The following TET2 variants were observed in gnomAD, a reference collection of about 807,000 sequenced individuals.
The protein encoded by TET2 is tet methylcytosine dioxygenase 2, also known as methylcytosine dioxygenase TET2.
Under a neutral mutation model 142.9 loss-of-function variants are expected in TET2, and 299 were observed. The observed-to-expected ratio is 2.09, with a 90% confidence interval of 1.90 to 2.30. TET2 has a LOEUF of 2.30. Ranked by LOEUF, TET2 falls within the 30% of genes most tolerant of loss-of-function variation. TET2 has a pLI of 0.00. For synonymous variants in TET2, 819 were observed against 849.0 expected (o/e 0.96, Z 0.61); for missense variants, 2,418 against 2,378.0 (o/e 1.02, Z -0.35).
chr4:105,273,167 C>T (rs760603616), intron 10 of TET2, among the ~76,000 whole-genome samples: 59 of 152,200 alleles, frequency 3.9e-4, no homozygotes, highest in Non-Finnish European at 7.2e-4. Context: ...GTCCCCACTC[C>T]CCCACCATGT....
chr4:105,192,014 C>T (rs1725818199), intron 2 of TET2, among the ~76,000 whole-genome samples: 1 of 151,962 alleles, frequency 6.6e-6, no homozygotes, highest in African/African-American at 2.4e-5. Context: ...ATTGCTTTAC[C>T]TCACTCTGTG....
intron 9 of TET2, among the ~76,000 whole-genome samples, chr4:105,271,191 G>A (rs1286409164): frequency 6.6e-6 from 1 of 152,110 alleles, no homozygotes; most frequent in Non-Finnish European, 1.5e-5. Context: ...CAAGCTGTGA[G>A]GCACATTAGC....
chr4:105,166,988 A>G (rs1313010589), intron 1 of TET2, among the ~76,000 whole-genome samples: 2 of 152,086 alleles, frequency 1.3e-5, no homozygotes, highest in Non-Finnish European at 2.9e-5. Flanking sequence ...ATTTAGCTTA[A>G]GGTACTTTTC....
rs867044420 is a variant in TET2, at chr4:105,173,843, A to G, written c.-192-16517A>G. Among the ~76,000 whole-genome samples, 6 of 152,170 alleles carry G rather than the reference A, an allele frequency of 3.9e-5. No individual in the cohort carries two copies. The South Asian group carries it at 1.2e-3, about 32-fold the overall frequency. On this transcript the variant is annotated intron_variant, in intron 1 of 10. Transcript: ENST00000380013. The stretch of plus-strand genomic sequence containing the variant: ...TAAACAAGATTATAATCTAATGGAG[A>G]TTAATATTGGTTGAGAAAAATCTTG...
At chr4:105,247,288 T>G (rs1251078978) in intron 6 of TET2, among the ~76,000 whole-genome samples, 4 of 152,230 alleles carry the variant, frequency 2.6e-5, no homozygotes, top group Non-Finnish European at 5.9e-5. Context: ...AAAGACTTTA[T>G]CATTTAATAT....
chr4:105,261,710 G>T, intron 7 of TET2, 49 bp from the exon 8 acceptor site: 2 of 1,186,932 alleles, frequency 1.7e-6, no homozygotes, highest in South Asian at 2.8e-5. Context: ...CTTTTACATA[G>T]AGAAAATGGA....
intron 2 of TET2, among the ~76,000 whole-genome samples, chr4:105,218,416 C>G (rs1403708866): frequency 6.6e-6 from 1 of 152,084 alleles, no homozygotes; most frequent in African/African-American, 2.4e-5. Context: ...CTCATGTCGG[C>G]TATGCCATGC....
chr4:105,167,381 C>T (rs1724209423), intron 1 of TET2, among the ~76,000 whole-genome samples: 1 of 151,708 alleles, frequency 6.6e-6, no homozygotes, highest in South Asian at 2.1e-4. Flanking sequence ...TACACATATA[C>T]ATATGCGTGT....
At chr4:105,263,323 AG>A (rs1730535439) in intron 8 of TET2, among the ~76,000 whole-genome samples, 1 of 152,176 alleles carries the variant, frequency 6.6e-6, no homozygotes, top group Admixed American at 6.5e-5. Context: ...TTAAAAGCCA[AG>A]TAAGGGAAAT....
At chr4:105,254,669 C>A (rs1457026824) in intron 6 of TET2, among the ~76,000 whole-genome samples, 1 of 152,140 alleles carries the variant, frequency 6.6e-6, no homozygotes, top group Non-Finnish European at 1.5e-5. Context: ...GCCTCAGCCT[C>A]CAAAGAGTGA....
intron 1 of TET2, among the ~76,000 whole-genome samples, chr4:105,151,302 G>C (rs1723287600): frequency 6.6e-6 from 1 of 152,168 alleles, no homozygotes; most frequent in African/African-American, 2.4e-5. Flanking sequence ...GCCCAGGCAA[G>C]AGGGAGAGAC....
intron 6 of TET2, 53 bp from the exon 7 acceptor site, chr4:105,259,566 A>G: frequency 3.3e-6 from 5 of 1,513,864 alleles, no homozygotes; most frequent in Non-Finnish European, 4.4e-6. Flanking sequence ...TATCAGCTGC[A>G]CAGCCTATAT....
rs1175566128 is a variant in TET2 at position 105,276,559 on chromosome 4, A to G, written c.*40A>G. Reference sequence around the variant, plus strand: ...GTTGGTTACCTCACTTGAAAAGACCACAACCAACCTGTCAGTAGTATAGTT... The same window carrying G: ...GTTGGTTACCTCACTTGAAAAGACCGCAACCAACCTGTCAGTAGTATAGTT... On this transcript the variant is annotated 3_prime_UTR_variant, in exon 11 of 11. Transcript: ENST00000380013. 1 of 1,524,810 alleles carries G rather than the reference A, an allele frequency of 6.6e-7. No homozygotes were observed. 94.5% of individuals were successfully genotyped at this position (1,524,810 alleles called of 1,614,324 possible). A position where few individuals can be genotyped will look rare whatever the true frequency, so the allele number is the denominator to read the frequency against.
chr4:105,267,961 C>T (rs2110297701), intron 8 of TET2, among the ~76,000 whole-genome samples: 1 of 152,036 alleles, frequency 6.6e-6, no homozygotes, highest in African/African-American at 2.4e-5. Flanking sequence ...AATGGAAAGC[C>T]AAAAGCTAAT....
chr4:105,266,196 G>A (rs1043631761), intron 8 of TET2, among the ~76,000 whole-genome samples: 2 of 152,096 alleles, frequency 1.3e-5, no homozygotes, highest in Middle Eastern at 3.2e-3. Flanking sequence ...CCAGCCAGAC[G>A]GAGAAGACTT....
chr4:105,163,105 T>C (rs1458249072), intron 1 of TET2, among the ~76,000 whole-genome samples: 1 of 152,242 alleles, frequency 6.6e-6, no homozygotes, highest in Non-Finnish European at 1.5e-5. Flanking sequence ...ATTTTAAATA[T>C]GTATTTTAAA....
chr4:105,208,379 A>G (rs1318523390), intron 2 of TET2, among the ~76,000 whole-genome samples: 1 of 152,114 alleles, frequency 6.6e-6, no homozygotes, highest in Non-Finnish European at 1.5e-5. Context: ...AATGGCTAGC[A>G]TTGAGCAGGA....
intron 2 of TET2, among the ~76,000 whole-genome samples, chr4:105,205,902 A>G (rs1410609970): frequency 6.6e-6 from 1 of 152,134 alleles, no homozygotes; most frequent in African/African-American, 2.4e-5. Flanking sequence ...CTAAAGTGCT[A>G]GGATTACAGG....
intron 2 of TET2, among the ~76,000 whole-genome samples, chr4:105,226,360 A>G (rs374420297): frequency 6.6e-6 from 1 of 152,166 alleles, no homozygotes; most frequent in South Asian, 2.1e-4. Flanking sequence ...GACCATTGTT[A>G]CATATTATTA....
Sources: allele counts gnomAD v4.1 joint callset (sites outside exome capture counted in the v4.1 genomes callset), GRCh38; gene constraint gnomAD v4.1.1; transcripts MANE v1.5; gene names NCBI Gene and HGNC (gene_info 2026-07-23, HGNC 2026-07-21).